ADGRA3: variants seen among roughly 807,000 people sequenced by gnomAD.
ADGRA3 encodes adhesion G protein-coupled receptor A3.
In ADGRA3, 56 loss-of-function variants were observed where a neutral mutation model predicts 119.8. That is an observed-to-expected ratio of 0.47 (90% CI 0.38 to 0.58). The LOEUF (loss-of-function observed/expected upper bound fraction) is 0.58. Ranked by LOEUF, ADGRA3 falls within the 20% of genes least tolerant of loss-of-function variation. The pLI, the probability that ADGRA3 is intolerant of heterozygous loss-of-function variation, is 0.00. For missense variants in ADGRA3, 1,516 were observed against 1,649.0 expected (o/e 0.92, Z 1.40); for synonymous variants, 607 against 623.8 (o/e 0.97, Z 0.40).
chr4:22,437,321 T>C (rs1033862125), intron 8 of ADGRA3, among the ~76,000 whole-genome samples: 2 of 152,190 alleles, frequency 1.3e-5, no homozygotes, highest in Non-Finnish European at 2.9e-5. Context: ...CTAGCTGAGA[T>C]AAAGATGTTA....
intron 2 of ADGRA3, among the ~76,000 whole-genome samples, chr4:22,464,270 G>A (rs2109105951): frequency 6.6e-6 from 1 of 152,230 alleles, no homozygotes; most frequent in Non-Finnish European, 1.5e-5. Context: ...TGTCAATGCT[G>A]GTAACTACCC....
chr4:22,453,293 A>G (rs16872664), intron 4 of ADGRA3, among the ~76,000 whole-genome samples: 21,736 of 152,022 alleles, frequency 0.14, 1,619 homozygotes, highest in South Asian at 0.24. Context: ...TTGCAGGGCA[A>G]TTACAAAGGA....
intron 14 of ADGRA3, among the ~76,000 whole-genome samples, chr4:22,409,596 G>A (rs1715103643): frequency 6.6e-6 from 1 of 152,128 alleles, no homozygotes; most frequent in African/African-American, 2.4e-5. Context: ...TAAGAGCTGA[G>A]TAACTGAATG....
chr4:22,493,282 G>A (rs764258981), intron 1 of ADGRA3, among the ~76,000 whole-genome samples: 22 of 151,896 alleles, frequency 1.4e-4, no homozygotes, highest in Non-Finnish European at 2.9e-4. Context: ...TTTCCATTTC[G>A]GTATCTTTTT....
intron 1 of ADGRA3, among the ~76,000 whole-genome samples, chr4:22,486,386 CT>C (rs1056749343): frequency 4.6e-5 from 7 of 152,192 alleles, no homozygotes; most frequent in Admixed American, 1.3e-4. Flanking sequence ...TCTAGCCCAT[CT>C]TTTCCCCGTC....
intron 1 of ADGRA3, among the ~76,000 whole-genome samples, chr4:22,474,936 G>A (rs1717984526): frequency 6.6e-6 from 1 of 152,120 alleles, no homozygotes; most frequent in African/African-American, 2.4e-5. Context: ...TGTAAATGGA[G>A]CATACCTCTG....
intron 10 of ADGRA3, among the ~76,000 whole-genome samples, chr4:22,432,210 C>T (rs949332345): frequency 1.3e-5 from 2 of 152,122 alleles, no homozygotes; most frequent in African/African-American, 4.8e-5. Context: ...CAAAGTCATG[C>T]TGCCTGAAAC....
intron 2 of ADGRA3, among the ~76,000 whole-genome samples, chr4:22,468,138 C>T (rs1046314324): frequency 6.6e-6 from 1 of 152,152 alleles, no homozygotes; most frequent in African/African-American, 2.4e-5. Context: ...CTATGGTATC[C>T]CAGGTTCAGA....
intron 1 of ADGRA3, among the ~76,000 whole-genome samples, chr4:22,511,705 A>G (rs1476038920): frequency 6.6e-6 from 1 of 151,964 alleles, no homozygotes; most frequent in Non-Finnish European, 1.5e-5. Context: ...CTCAGCCCCT[A>G]CAGACTCCTC....
At chr4:22,480,134 TAAAGTATTTAAAAA>T (rs746099507) in intron 1 of ADGRA3, among the ~76,000 whole-genome samples, 3 of 152,122 alleles carry the variant, frequency 2.0e-5, no homozygotes, top group Non-Finnish European at 4.4e-5. Context: ...TCTCAGCACT[TAAAGTATTTAAAAA>T]TCTTTTGCCA....
chr4:22,400,691 TA>T lies in ADGRA3; in HGVS notation c.2481+739del, dbSNP rs1437064415. On this transcript the variant is annotated intron_variant, in intron 16 of 18. Coordinates refer to ENST00000334304, the MANE Select transcript of ADGRA3 (RefSeq NM_145290.4). Reference sequence around the variant, plus strand: ...TTGTTTACAGAGATCACATGTTATATATTTTTTTAATTACAGTTTTAAAAGC... The same window carrying T: ...TTGTTTACAGAGATCACATGTTATATTTTTTTTAATTACAGTTTTAAAAGC... 1.2e-4 allele frequency among the ~76,000 whole-genome samples: 18 copies of T among 152,166 alleles called. No individual in the cohort carries two copies. The South Asian group carries it at 3.1e-3, about 26-fold the overall frequency.
rs770685471 is a variant in ADGRA3 at position 22,392,649 on chromosome 4, T to C, written c.2523A>G (p.Leu841=). 5.0e-6 allele frequency: 8 copies of C among 1,613,736 alleles called. No individual in the cohort carries two copies. The South Asian group carries it at 5.5e-5, about 11-fold the overall frequency. ...ILHYSTLATV[L]WVGVTARNIY... is the part of the protein sequence containing the mutation. ...TATTTCGAGCTGTCACTCCTACCCA[T>C]AGTACTGTGGCAAGGGTGGAATAGT... is the stretch of plus-strand genomic sequence containing the variant. Residue 841 remains leucine (L), a synonymous_variant, in exon 17 of 19, where the codon CTA becomes CTG. Transcript: ENST00000334304.
intron 1 of ADGRA3, among the ~76,000 whole-genome samples, chr4:22,512,679 A>G (rs1277325898): frequency 6.6e-6 from 1 of 152,160 alleles, no homozygotes; most frequent in Non-Finnish European, 1.5e-5. Flanking sequence ...ATGCTGCCCC[A>G]AGCCAAGGAA....
At chr4:22,457,480 G>T (rs1351656354) in intron 3 of ADGRA3, among the ~76,000 whole-genome samples, 2 of 152,110 alleles carry the variant, frequency 1.3e-5, no homozygotes, top group African/African-American at 2.4e-5. Context: ...TGCAAGCTGT[G>T]TACCCTAAGT....
chr4:22,432,128 AC>A (rs927384364), intron 10 of ADGRA3, among the ~76,000 whole-genome samples: 8 of 151,520 alleles, frequency 5.3e-5, no homozygotes, highest in Non-Finnish European at 7.4e-5. Context: ...AAAAGTTAAA[AC>A]CCCCCACCTA....
At chr4:22,463,102 A>T (rs1717530592) in intron 2 of ADGRA3, among the ~76,000 whole-genome samples, 1 of 152,196 alleles carries the variant, frequency 6.6e-6, no homozygotes, top group Non-Finnish European at 1.5e-5. Context: ...TCTCCCAGGG[A>T]AGCTGAAGCC....
chr4:22,492,004 G>A (rs922969573), intron 1 of ADGRA3, among the ~76,000 whole-genome samples: 2 of 152,134 alleles, frequency 1.3e-5, no homozygotes. Context: ...AAGCAGGCAC[G>A]GTTGGGATTT....
chr4:22,427,609 C>CAGAT (rs1715995587), intron 10 of ADGRA3, among the ~76,000 whole-genome samples: 1 of 152,122 alleles, frequency 6.6e-6, no homozygotes, highest in Non-Finnish European at 1.5e-5. Flanking sequence ...TTCCCTAGAG[C>CAGAT]AGATAATCAG....
rs532449381 is a variant in ADGRA3, at chr4:22,494,772, T to C, written c.257+20756A>G. Among the ~76,000 whole-genome samples, 21 of 152,020 alleles carry C rather than the reference T, an allele frequency of 1.4e-4. 1 individual carries two copies. Among genetic ancestry groups the C allele is most frequent in the Admixed American group, 6.5e-5 (1 of 15,272 alleles). Reference sequence around the variant, plus strand: ...GTTTCATTTTCAACTTAAAAGATTATTTTTAGTTATTTTTAACTAAATAAT... The same window carrying C: ...GTTTCATTTTCAACTTAAAAGATTACTTTTAGTTATTTTTAACTAAATAAT... On this transcript the variant is annotated intron_variant, in intron 1 of 18. Coordinates refer to ENST00000334304, the MANE Select transcript of ADGRA3 (RefSeq NM_145290.4).
Sources: allele counts gnomAD v4.1 joint callset (sites outside exome capture counted in the v4.1 genomes callset), GRCh38; gene constraint gnomAD v4.1.1; transcripts MANE v1.5; gene names NCBI Gene and HGNC (gene_info 2026-07-23, HGNC 2026-07-21).